Variants in DAB1 observed in about 807,000 individuals in gnomAD.
DAB1 encodes the protein disabled homolog 1.
Under a neutral mutation model 64.6 loss-of-function variants are expected in DAB1, and 15 were observed. The ratio of observed to expected loss-of-function variants is 0.23; its 90% confidence interval spans 0.16 to 0.36. The LOEUF (loss-of-function observed/expected upper bound fraction) is 0.36, where lower values mean the gene tolerates loss of function less well. Among genes scored for constraint, DAB1 ranks in the 10% least tolerant of loss-of-function variants. The pLI, the probability that DAB1 is intolerant of heterozygous loss-of-function variation, is 1.00. For missense variants in DAB1, 596 were observed against 706.7 expected (o/e 0.84, Z 1.78); for synonymous variants, 235 against 251.9 (o/e 0.93, Z 0.64).
chr1:57,183,793 T>C (rs1296269017), intron 2 of DAB1, among the ~76,000 whole-genome samples: 2 of 152,150 alleles, frequency 1.3e-5, no homozygotes, highest in African/African-American at 4.8e-5. Context: ...AGATAGGCAG[T>C]ACTCTATATC....
chr1:58,388,226 C>A (rs1644449282), intron 3 of DAB1, among the ~76,000 whole-genome samples: 1 of 152,096 alleles, frequency 6.6e-6, no homozygotes, highest in African/African-American at 2.4e-5. Flanking sequence ...AGCTCTGACA[C>A]CACTCTCCTT....
At chr1:58,394,029 A>T (rs570809345) in intron 3 of DAB1, among the ~76,000 whole-genome samples, 2 of 152,312 alleles carry the variant, frequency 1.3e-5, no homozygotes, top group African/African-American at 4.8e-5. Flanking sequence ...TTTAAAAAAT[A>T]TGAAAATAAT....
intron 7 of DAB1, among the ~76,000 whole-genome samples, chr1:57,554,096 G>A (rs943616426): frequency 2.6e-5 from 4 of 152,134 alleles, no homozygotes; most frequent in African/African-American, 4.8e-5. Flanking sequence ...AACATGAAGC[G>A]AGGAGATATT....
intron 3 of DAB1, among the ~76,000 whole-genome samples, chr1:58,362,056 C>T (rs548882943): frequency 1.3e-5 from 2 of 151,514 alleles, no homozygotes; most frequent in African/African-American, 2.4e-5. Context: ...GTAGAGATGG[C>T]GTTTCACCAT....
At chr1:57,847,523 A>G (rs1007249507) in intron 1 of DAB1, among the ~76,000 whole-genome samples, 2 of 152,178 alleles carry the variant, frequency 1.3e-5, no homozygotes, top group African/African-American at 4.8e-5. Context: ...ACGGTAAAAG[A>G]AAAATGAGAG....
intron 5 of DAB1, among the ~76,000 whole-genome samples, chr1:57,905,023 CT>C (rs1157910619): frequency 6.6e-6 from 1 of 152,134 alleles, no homozygotes; most frequent in East Asian, 1.9e-4. Flanking sequence ...ATTGCACTTA[CT>C]ATATACTAGG....
At chr1:57,970,947 G>GCCC (rs1156499619) in intron 5 of DAB1, among the ~76,000 whole-genome samples, 1 of 152,110 alleles carries the variant, frequency 6.6e-6, no homozygotes, top group Admixed American at 6.5e-5. Flanking sequence ...TTATCTGAAA[G>GCCC]CCCCCTGGAC....
At chr1:57,418,396 T>C (rs151268559) in intron 1 of DAB1, among the ~76,000 whole-genome samples, 1 of 152,172 alleles carries the variant, frequency 6.6e-6, no homozygotes, top group African/African-American at 2.4e-5. Context: ...AATTGATGGA[T>C]ACCAAGTAAA....
intron 4 of DAB1, among the ~76,000 whole-genome samples, chr1:58,158,490 C>T (rs187203407): frequency 6.6e-6 from 1 of 152,250 alleles, no homozygotes; most frequent in East Asian, 1.9e-4. Context: ...CACCCTCTAC[C>T]AAAGGCTGCT....
At chr1:57,563,837 T>G (rs1645083171) in intron 7 of DAB1, among the ~76,000 whole-genome samples, 1 of 152,206 alleles carries the variant, frequency 6.6e-6, no homozygotes. Context: ...ATGGCCTGCC[T>G]GCCTCTGTAG....
chr1:57,454,317 T>C (rs892954955), intron 7 of DAB1, among the ~76,000 whole-genome samples: 1 of 152,110 alleles, frequency 6.6e-6, no homozygotes, highest in Non-Finnish European at 1.5e-5. Flanking sequence ...TGGCATACTA[T>C]GCAGTCATAA....
chr1:57,083,700 C>G (rs72905258), intron 4 of DAB1, among the ~76,000 whole-genome samples: 1 of 152,114 alleles, frequency 6.6e-6, no homozygotes, highest in South Asian at 2.1e-4. Context: ...AGGAGTGAGA[C>G]GACTGGGATT....
chr1:58,393,538 G>C (rs1434847335), intron 3 of DAB1, among the ~76,000 whole-genome samples: 2 of 152,114 alleles, frequency 1.3e-5, no homozygotes, highest in Non-Finnish European at 2.9e-5. Flanking sequence ...CCTCAGGTCT[G>C]GCCATGATGA....
chr1:57,921,839 A>G (rs1395788135), intron 5 of DAB1, among the ~76,000 whole-genome samples: 1 of 152,106 alleles, frequency 6.6e-6, no homozygotes, highest in East Asian at 1.9e-4. Flanking sequence ...CATGGCCTCT[A>G]AGGACCCCAA....
chr1:58,300,648 GGAAGGAAGGAAGGA>G lies in DAB1; in HGVS notation n.309+42690_309+42703del, dbSNP rs1226199182. On this transcript the variant is annotated intron_variant and non_coding_transcript_variant, in intron 4 of 20. Transcript: ENST00000485760. Reference sequence around the variant, plus strand: ...AGAGAGAGAGAGAGAGAGAGAGAGAGGAAGGAAGGAAGGAAGGAAGGAAGGAAGGAAGGAAGGAA... The same window carrying G: ...AGAGAGAGAGAGAGAGAGAGAGAGAGAGGAAGGAAGGAAGGAAGGAAGGAA... Among the ~76,000 whole-genome samples the G allele has an allele frequency of 2.1e-3, 109 of 51,794 alleles. 2 individuals are homozygous for G. Among genetic ancestry groups the G allele is most frequent in the African/African-American group, 6.8e-3 (92 of 13,574 alleles). 34.0% of individuals were successfully genotyped at this position (51,794 alleles called of 152,430 possible).
At chr1:57,414,172 G>C (rs903908268) in intron 1 of DAB1, among the ~76,000 whole-genome samples, 1 of 152,192 alleles carries the variant, frequency 6.6e-6, no homozygotes, top group Non-Finnish European at 1.5e-5. Context: ...AAAAAGTTCT[G>C]CTGTGGGTAA....
chr1:57,854,401 G>A (rs2101931907), intron 1 of DAB1, among the ~76,000 whole-genome samples: 1 of 152,336 alleles, frequency 6.6e-6, no homozygotes, highest in African/African-American at 2.4e-5. Context: ...ACCATTGTGA[G>A]AGGAAGAGCC....
rs561602371 is a variant in DAB1, at chr1:57,816,873, T to C, written n.551+67126A>G. ...CGTATGCCTATTATGTACCGGGTAC[T>C]GCGCTAACCAAGAGCAGTAAACAAA... On this transcript the variant is annotated intron_variant and non_coding_transcript_variant, in intron 6 of 20. Transcript: ENST00000485760. Among the ~76,000 whole-genome samples the C allele has an allele frequency of 1.6e-4, 25 of 152,370 alleles. No individual in the cohort carries two copies. The East Asian group carries it at 4.0e-3, about 25-fold the overall frequency.
intron 5 of DAB1, among the ~76,000 whole-genome samples, chr1:58,000,746 T>A (rs1332343567): frequency 6.6e-6 from 1 of 151,930 alleles, no homozygotes; most frequent in Non-Finnish European, 1.5e-5. Flanking sequence ...AATCCTTGTA[T>A]TTTTAGTAGG....
Sources: gnomAD v4.1 joint callset for allele counts (sites outside exome capture counted in the v4.1 genomes callset) on GRCh38, gnomAD v4.1.1 for gene constraint, MANE v1.5 for transcripts, NCBI Gene and HGNC (gene_info 2026-07-23, HGNC 2026-07-21) for gene names.